The following NOTCH2 variants were observed in gnomAD, a reference collection of about 807,000 sequenced individuals.
The protein encoded by NOTCH2 is neurogenic locus notch homolog protein 2.
In NOTCH2, 29 loss-of-function variants were observed where a neutral mutation model predicts 235.8. That is an observed-to-expected ratio of 0.12 (90% confidence interval 0.09 to 0.17). NOTCH2 has a LOEUF of 0.17. Among genes scored for constraint, NOTCH2 ranks in the 10% least tolerant of loss-of-function variants. The probability of loss-of-function intolerance (pLI) is 1.00; values close to 1 mark genes in which losing one functional copy is unlikely to be tolerated. For missense variants in NOTCH2, 2,285 were observed against 3,150.2 expected (o/e 0.73, Z 6.57); for synonymous variants, 1,086 against 1,141.5 (o/e 0.95, Z 0.98).
chr1:119,931,110 A>AG (rs1649641386), intron 22 of NOTCH2, among the ~76,000 whole-genome samples: 1 of 151,942 alleles, frequency 6.6e-6, no homozygotes, highest in East Asian at 1.9e-4. Flanking sequence ...CTTAAAAAAA[A>AG]AAAAAAAAAA....
In NOTCH2 at chr1:119,931,761, C is replaced by T. The variant is rs587761984; in HGVS notation, c.3656-2549G>A. ...AAGAAAATATGGGAGAATTTCTTTA[C>T]GATCTTCAAGTGTATATGATGTTGC... is the stretch of plus-strand genomic sequence containing the variant. On this transcript the variant is annotated intron_variant, in intron 22 of 33. Transcript: ENST00000256646. Among the ~76,000 whole-genome samples the T allele has an allele frequency of 2.0e-4, 31 of 151,724 alleles. No homozygotes were observed. The South Asian group carries it at 3.9e-3, about 19-fold the overall frequency.
intron 1 of NOTCH2, among the ~76,000 whole-genome samples, chr1:120,066,002 T>C (rs1199938538): frequency 9.3e-5 from 14 of 151,134 alleles, no homozygotes; most frequent in African/African-American, 3.4e-4. Context: ...ACAACATGTA[T>C]GAATGACATT....
intron 25 of NOTCH2, 128 bp downstream of exon 25, chr1:119,925,177 A>G (rs1286477654): frequency 6.0e-6 from 7 of 1,174,816 alleles, no homozygotes; most frequent in Non-Finnish European, 8.9e-6. Context: ...GCGATGGGAC[A>G]AGGCTGGCAC....
At chr1:119,967,372 C>A in intron 8 of NOTCH2, 61 bp downstream of exon 8, 2 of 1,427,350 alleles carry the variant, frequency 1.4e-6, no homozygotes. Context: ...GAATGCTCTA[C>A]CAAGAGAAGT....
At chr1:120,064,860 AATAAAT>A (rs1655443242) in intron 1 of NOTCH2, among the ~76,000 whole-genome samples, 1 of 151,190 alleles carries the variant, frequency 6.6e-6, no homozygotes, top group Non-Finnish European at 1.5e-5. Flanking sequence ...AAATTATCAA[AATAAAT>A]ATAAACTTAG....
At chr1:119,957,789 G>C (rs1183145883) in intron 12 of NOTCH2, among the ~76,000 whole-genome samples, 2 of 148,962 alleles carry the variant, frequency 1.3e-5, no homozygotes, top group Non-Finnish European at 3.0e-5. Context: ...ATGATTCATT[G>C]GCATTCTGAA....
intron 17 of NOTCH2, among the ~76,000 whole-genome samples, chr1:119,943,552 T>C (rs587704729): frequency 3.9e-5 from 6 of 152,316 alleles, no homozygotes; most frequent in East Asian, 1.9e-4. Flanking sequence ...CTCTGAAGGA[T>C]TGAACTATGT....
chr1:119,948,855 C>T, intron 16 of NOTCH2, 152 bp downstream of exon 16: 1 of 1,111,450 alleles, frequency 9.0e-7, no homozygotes. Flanking sequence ...TAAGCCATTT[C>T]AAGTAGCAGC....
In NOTCH2 at chr1:119,997,226, G is replaced by A; in HGVS notation, c.522C>T (p.Phe174=). Residue 174 remains phenylalanine (F), a synonymous_variant, in exon 4 of 34, where the codon TTC becomes TTT. Coordinates refer to ENST00000256646, the MANE Select transcript of NOTCH2 (RefSeq NM_024408.4). ...NQFSCKCLTG[F]TGQKCETDVN... ...CATCAGTCTCACATTTCTGCCCTGT[G>A]AAGCCTGTGAGGCATTTGCAGGAGA... 1 of 1,614,024 alleles carries A rather than the reference G, an allele frequency of 6.2e-7. No individual in the cohort carries two copies. The highest frequency in any genetic ancestry group is 1.1e-5 in the South Asian group (1 of 91,076).
At position 119,916,435 on chromosome 1, in the gene NOTCH2, T is replaced by A; in HGVS notation, c.6287A>T (p.His2096Leu). Residue 2096 changes from histidine (H) to leucine (L), a missense_variant, in exon 34 of 34, where the codon CAC (histidine) becomes CTC (leucine). Around this residue, in one of 6 missense-constraint regions of NOTCH2, gnomAD observed 504 missense variants for 538.0 expected, o/e 0.94. Coordinates refer to ENST00000256646, the MANE Select transcript of NOTCH2 (RefSeq NM_024408.4). Reference protein sequence around the residue: ...GPNRSFLSLKHTPMGKKSRRP... With the variant: ...GPNRSFLSLKLTPMGKKSRRP... ...TCTAGACTTCTTGCCCATTGGGGTG[T>A]GCTTCAGGCTGAGGAAAGATCTGTT... The A allele has an allele frequency of 1.2e-6, 2 of 1,613,934 alleles. No homozygotes were observed. The highest frequency in any genetic ancestry group is 1.7e-6 in the Non-Finnish European group (2 of 1,179,844).
At chr1:119,963,438 T>C in intron 11 of NOTCH2, 136 bp downstream of exon 11, 1 of 837,680 alleles carries the variant, frequency 1.2e-6, no homozygotes. Flanking sequence ...TTTATGTTTG[T>C]GGCTTTGGCT....
Position 119,953,585 on chromosome 1 carries a change from G to T in NOTCH2, c.2323C>A (p.Leu775Met). Residue 775 changes from leucine to methionine, a missense_variant, in exon 14 of 34, where the codon CTG (leucine) becomes ATG (methionine). By Grantham distance (15) the Leu-to-Met change is conservative. Around this residue, in one of 6 missense-constraint regions of NOTCH2, gnomAD observed 1,173 missense variants for 1,515.3 expected, o/e 0.77. Transcript: ENST00000256646. ...CAAGTACACCTGTATCCATTCACCAGATTGTCACAAGTTCCTCCATTCTGG... is the reference window on the plus strand; with the variant it reads ...CAAGTACACCTGTATCCATTCACCATATTGTCACAAGTTCCTCCATTCTGG... ...PCQNGGTCDN[L>M]VNGYRCTCKK... 6.2e-7 allele frequency: 1 copy of T among 1,614,166 alleles called. No individual in the cohort carries two copies. Among genetic ancestry groups the T allele is most frequent in the South Asian group, 1.1e-5 (1 of 91,084 alleles).
rs1648969481 is a variant in NOTCH2 at position 119,913,780 on chromosome 1, T to A, written c.*1526A>T. 5 of 232,912 alleles carry A rather than the reference T, an allele frequency of 2.1e-5. No individual in the cohort carries two copies. The South Asian group carries it at 9.1e-4, about 42-fold the overall frequency. The allele number at this position is 232,912 out of a possible 1,614,324, so 14.4% of individuals were successfully genotyped here. On this transcript the variant is annotated 3_prime_UTR_variant, in exon 34 of 34. Coordinates refer to ENST00000256646, the MANE Select transcript of NOTCH2 (RefSeq NM_024408.4). Reference sequence around the variant, plus strand: ...TGTTCTGTTGAGTTTCTACGTTAGTTGCCAAAGGGAATGTCATGGCCGCTT... The same window carrying A: ...TGTTCTGTTGAGTTTCTACGTTAGTAGCCAAAGGGAATGTCATGGCCGCTT...
chr1:119,937,515 T>C (rs1649902338), intron 20 of NOTCH2, 49 bp from the exon 21 acceptor site: 4 of 1,560,280 alleles, frequency 2.6e-6, no homozygotes, highest in South Asian at 1.1e-5. Flanking sequence ...ATGTGACACA[T>C]GGGGTTCAAA....
intron 15 of NOTCH2, 128 bp downstream of exon 15, chr1:119,950,596 A>G (rs1287660562): frequency 1.3e-6 from 1 of 743,706 alleles, no homozygotes. Flanking sequence ...TAAAGGCAGG[A>G]AGGACAACTG....
At chr1:119,941,085 A>G (rs797040438) in intron 18 of NOTCH2, among the ~76,000 whole-genome samples, 2 of 152,240 alleles carry the variant, frequency 1.3e-5, no homozygotes, top group South Asian at 4.1e-4. Flanking sequence ...ATTTATTTGA[A>G]AAGTCCTATT....
chr1:119,955,891 C>G (rs1042396152), intron 12 of NOTCH2, among the ~76,000 whole-genome samples: 2 of 152,126 alleles, frequency 1.3e-5, no homozygotes, highest in African/African-American at 2.4e-5. Context: ...CTTTAATGTG[C>G]AAAATCATCA....
chr1:119,920,217 C>A lies in NOTCH2; in HGVS notation c.5479+12G>T, dbSNP rs763002608. The A allele has an allele frequency of 1.2e-6, 2 of 1,613,734 alleles. No individual in the cohort carries two copies. Among genetic ancestry groups the A allele is most frequent in the Non-Finnish European group, 1.7e-6 (2 of 1,179,856 alleles). ...ACAGCCCAGTGAAGAGGGGAAGAGGCCCGGTGCTGACCTGGGCCACGGACA... is the reference window on the plus strand; with the variant it reads ...ACAGCCCAGTGAAGAGGGGAAGAGGACCGGTGCTGACCTGGGCCACGGACA... On this transcript the variant is annotated intron_variant, in intron 30 of 33. Coordinates refer to ENST00000256646, the MANE Select transcript of NOTCH2 (RefSeq NM_024408.4).
Position 119,997,053 on chromosome 1 carries a change from T to C in NOTCH2, c.695A>G (p.Asn232Ser), listed in dbSNP as rs375605753. 3.2e-5 allele frequency: 52 copies of C among 1,614,024 alleles called. No individual in the cohort carries two copies. The highest frequency in any genetic ancestry group is 1.1e-4 in the African/African-American group (8 of 75,068). Reference sequence around the variant, plus strand: ...ACCAGTCTGCCGACAGGTGCCTCCATTGACACAAGGTGAGGGTGCACAGGG... The same window carrying C: ...ACCAGTCTGCCGACAGGTGCCTCCACTGACACAAGGTGAGGGTGCACAGGG... ...YVPCAPSPCV[N>S]GGTCRQTGDF... The change falls in exon 4 of 34, where the codon AAT (asparagine) becomes AGT (serine). Residue 232 changes from asparagine to serine, a missense_variant. Asn to Ser is a conservative substitution (Grantham distance 46). Around this residue, in one of 6 missense-constraint regions of NOTCH2, gnomAD observed 431 missense variants for 757.8 expected, o/e 0.57. Transcript: ENST00000256646.
Sources: allele counts gnomAD v4.1 joint callset (sites outside exome capture counted in the v4.1 genomes callset), GRCh38; gene constraint gnomAD v4.1.1; regional missense constraint gnomAD v4.1.1; transcripts MANE v1.5; gene names NCBI Gene and HGNC (gene_info 2026-07-23, HGNC 2026-07-21).